Variants in ATP6V1H observed in about 807,000 individuals in gnomAD.
The protein encoded by ATP6V1H is V-type proton ATPase subunit H.
ATP6V1H carries 39 observed loss-of-function variants against 71.7 expected under a neutral mutation model. The ratio of observed to expected loss-of-function variants is 0.54; its 90% confidence interval spans 0.42 to 0.71. The LOEUF is 0.71. ATP6V1H is among the 30% of genes least tolerant of loss of function. ATP6V1H has a pLI of 0.00. For missense variants in ATP6V1H, 509 were observed against 594.9 expected, an observed-to-expected ratio of 0.86 and a Z score of 1.50; for synonymous variants, 192 against 199.3, an observed-to-expected ratio of 0.96 and a Z score of 0.31.
chr8:53,789,068 A>T, intron 9 of ATP6V1H, among the ~76,000 whole-genome samples: 1 of 152,246 alleles, frequency 6.6e-6, no homozygotes, highest in African/African-American at 2.4e-5. Flanking sequence ...TTGGTCTTCA[A>T]TAAACATCTG....
At chr8:53,782,649 G>A (rs1422431567) in intron 9 of ATP6V1H, among the ~76,000 whole-genome samples, 3 of 152,108 alleles carry the variant, frequency 2.0e-5, no homozygotes, top group Admixed American at 6.5e-5. Context: ...TCCAGTTTTT[G>A]CCCATTCAGT....
At position 53,829,441 on chromosome 8, in the gene ATP6V1H, T is replaced by A. The variant is rs1810929375; in HGVS notation, c.306+3A>T. On this transcript the variant is annotated splice_donor_region_variant and intron_variant, in intron 4 of 13. Coordinates refer to ENST00000359530, the MANE Select transcript of ATP6V1H (RefSeq NM_015941.4). ...AAATGTGTTAAGTAAAGAATATACC[T>A]ACCTGCAGCATATCATCCACCATAG... The A allele has an allele frequency of 1.9e-6, 3 of 1,593,144 alleles. No individual in the cohort carries two copies. The African/African-American group carries it at 4.0e-5, about 21-fold the overall frequency.
At chr8:53,833,607 C>G (rs750944950) in intron 2 of ATP6V1H, among the ~76,000 whole-genome samples, 1 of 151,986 alleles carries the variant, frequency 6.6e-6, no homozygotes, top group South Asian at 2.1e-4. Context: ...AACTCTCCAT[C>G]CTGACCCCAC....
intron 13 of ATP6V1H, among the ~76,000 whole-genome samples, chr8:53,741,789 G>GA (rs1157845023): frequency 6.6e-6 from 1 of 152,034 alleles, no homozygotes. Context: ...TGAAGTTATG[G>GA]AAAAAAGTAA....
intron 11 of ATP6V1H, among the ~76,000 whole-genome samples, chr8:53,765,987 C>T (rs192813749): frequency 2.4e-4 from 37 of 152,276 alleles, no homozygotes; most frequent in Non-Finnish European, 1.5e-5. Context: ...TAGACCCACA[C>T]AAATATAGTC....
intron 4 of ATP6V1H, among the ~76,000 whole-genome samples, chr8:53,819,164 C>G (rs1810550688): frequency 6.6e-6 from 1 of 152,092 alleles, no homozygotes; most frequent in Non-Finnish European, 1.5e-5. Flanking sequence ...TGTGATCACA[C>G]TACTGCACTT....
At chr8:53,832,134 TAC>T (rs1480441955) in intron 3 of ATP6V1H, 1 of 152,108 alleles carries the variant, frequency 6.6e-6, no homozygotes, top group Non-Finnish European at 1.5e-5. Flanking sequence ...GGGAAGAATA[TAC>T]AGTTAAATGA....
chr8:53,815,631 C>T (rs1354778893), intron 5 of ATP6V1H, among the ~76,000 whole-genome samples: 1 of 152,206 alleles, frequency 6.6e-6, no homozygotes, highest in East Asian at 1.9e-4. Context: ...GGCGCCTTTA[C>T]TTGCTCATTG....
intron 9 of ATP6V1H, among the ~76,000 whole-genome samples, chr8:53,780,889 C>T (rs952574621): frequency 8.5e-5 from 13 of 152,158 alleles, no homozygotes; most frequent in Non-Finnish European, 1.6e-4. Flanking sequence ...TTTATGGCTG[C>T]AGAGTATTCC....
intron 13 of ATP6V1H, among the ~76,000 whole-genome samples, chr8:53,722,505 G>T (rs777354991): frequency 6.6e-6 from 1 of 152,120 alleles, no homozygotes; most frequent in Non-Finnish European, 1.5e-5. Flanking sequence ...TTATTACAAA[G>T]ATAGCACGTA....
chr8:53,835,963 T>C (rs536229484), intron 2 of ATP6V1H, among the ~76,000 whole-genome samples: 3 of 152,324 alleles, frequency 2.0e-5, no homozygotes, highest in African/African-American at 4.8e-5. Context: ...CTCCCACAGA[T>C]GGCAGTGGCA....
rs185534058 is a variant in ATP6V1H at position 53,749,018 on chromosome 8, C to T, written c.1278-5328G>A. ...TTCTTTTGGTAGCTCTTTCCTTCAGCAAGTATTATGCCCTACTGTGTGGTG... is the reference window on the plus strand; with the variant it reads ...TTCTTTTGGTAGCTCTTTCCTTCAGTAAGTATTATGCCCTACTGTGTGGTG... On this transcript the variant is annotated intron_variant, in intron 12 of 13. Transcript: ENST00000359530. Among the ~76,000 whole-genome samples the T allele has an allele frequency of 2.4e-4, 37 of 152,346 alleles. No homozygotes were observed. In the East Asian group the frequency reaches 3.5e-3, roughly 14 times the overall value.
intron 10 of ATP6V1H, among the ~76,000 whole-genome samples, chr8:53,770,209 TCA>T (rs1482586916): frequency 6.6e-6 from 1 of 152,068 alleles, no homozygotes; most frequent in Admixed American, 6.5e-5. Flanking sequence ...AAAAACAAAA[TCA>T]CACTTATTGG....
chr8:53,823,222 T>A (rs1810717829), intron 4 of ATP6V1H, among the ~76,000 whole-genome samples: 1 of 152,216 alleles, frequency 6.6e-6, no homozygotes, highest in African/African-American at 2.4e-5. Context: ...GGTATATTTA[T>A]AAAATTGATC....
At chr8:53,801,045 G>A (rs559109124) in intron 8 of ATP6V1H, among the ~76,000 whole-genome samples, 16 of 152,256 alleles carry the variant, frequency 1.1e-4, no homozygotes, top group South Asian at 2.1e-4. Context: ...ACAGCTATTC[G>A]CAGAAGTAAC....
chr8:53,728,170 T>G (rs1432094167), intron 13 of ATP6V1H, among the ~76,000 whole-genome samples: 1 of 152,140 alleles, frequency 6.6e-6, no homozygotes, highest in African/African-American at 2.4e-5. Flanking sequence ...CTTCCATTAT[T>G]CCGGGAAAAT....
chr8:53,836,158 A>C (rs1462659781), intron 2 of ATP6V1H, among the ~76,000 whole-genome samples: 5 of 152,200 alleles, frequency 3.3e-5, no homozygotes, highest in Non-Finnish European at 7.3e-5. Context: ...ATCTGGCCCC[A>C]AAATAAATGA....
intron 9 of ATP6V1H, among the ~76,000 whole-genome samples, chr8:53,773,863 T>C (rs902047054): frequency 1.3e-4 from 20 of 152,034 alleles, no homozygotes; most frequent in African/African-American, 3.6e-4. Context: ...GAAGTAAAAC[T>C]ACAATTTCTG....
chr8:53,785,454 G>C (rs1809340828), intron 9 of ATP6V1H, among the ~76,000 whole-genome samples: 2 of 152,024 alleles, frequency 1.3e-5, no homozygotes, highest in African/African-American at 4.8e-5. Context: ...TTTTTTTCAA[G>C]GTTTTTAACT....
Sources: allele counts gnomAD v4.1 joint callset (sites outside exome capture counted in the v4.1 genomes callset), GRCh38; gene constraint gnomAD v4.1.1; transcripts MANE v1.5; gene names NCBI Gene and HGNC (gene_info 2026-07-23, HGNC 2026-07-21).